The following MACROD2 variants were observed in gnomAD, a reference collection of about 807,000 sequenced individuals.
MACROD2 encodes mono-ADP ribosylhydrolase 2.
MACROD2 carries 36 observed loss-of-function variants against 70.4 expected under a neutral mutation model. The observed-to-expected ratio is 0.51, with a 90% CI of 0.39 to 0.68. The LOEUF (loss-of-function observed/expected upper bound fraction) is 0.68. Among genes scored for constraint, MACROD2 ranks in the 30% least tolerant of loss-of-function variants. The pLI is 0.00. For synonymous variants in MACROD2, 172 were observed against 178.8 expected, an observed-to-expected ratio of 0.96 and a Z score of 0.30; for missense variants, 496 against 538.4, an observed-to-expected ratio of 0.92 and a Z score of 0.78.
chr20:15,280,772 T>G (rs1260102994), intron 6 of MACROD2: 1 of 152,182 alleles, frequency 6.6e-6, no homozygotes, highest in Non-Finnish European at 1.5e-5. Context: ...CCATTCAGAT[T>G]TTTCCTAAAT....
rs183825012 is a variant in MACROD2, at chr20:14,295,566, G to C, written c.272-197913G>C. Among the ~76,000 whole-genome samples the C allele has an allele frequency of 3.2e-3, 486 of 150,406 alleles. 11 individuals are homozygous for C. Among genetic ancestry groups the C allele is most frequent in the African/African-American group, 0.011 (465 of 41,148 alleles). On this transcript the variant is annotated intron_variant, in intron 3 of 17. Coordinates refer to ENST00000684519, the MANE Select transcript of MACROD2 (RefSeq NM_001351661.2). ...GAATATCATTAGGAGGGGACTGTGT[G>C]GGGGGGCTGGGGGGAGTGGTAATAC...
At chr20:14,072,953 A>G (rs1296391819) in intron 2 of MACROD2, among the ~76,000 whole-genome samples, 2 of 151,528 alleles carry the variant, frequency 1.3e-5, no homozygotes, top group Non-Finnish European at 2.9e-5. Context: ...AAAAAAGCAT[A>G]TAGATCATGG....
intron 2 of MACROD2, among the ~76,000 whole-genome samples, chr20:14,066,816 T>TG (rs1169689390): frequency 6.1e-5 from 9 of 146,910 alleles, no homozygotes; most frequent in African/African-American, 2.0e-4. Flanking sequence ...TTTTTTTTTT[T>TG]TTTTTTTTTT....
chr20:14,270,155 G>C (rs567196114), intron 3 of MACROD2, among the ~76,000 whole-genome samples: 1 of 152,132 alleles, frequency 6.6e-6, no homozygotes, highest in East Asian at 1.9e-4. Context: ...TTAATGGTGT[G>C]TATATATATT....
chr20:14,060,086 A>G (rs1208282427), intron 2 of MACROD2, among the ~76,000 whole-genome samples: 1 of 152,204 alleles, frequency 6.6e-6, no homozygotes, highest in Non-Finnish European at 1.5e-5. Flanking sequence ...ATAGGTTATG[A>G]CTACAGATTC....
chr20:15,893,989 G>T (rs1283227547), intron 10 of MACROD2: 1 of 450,826 alleles, frequency 2.2e-6, no homozygotes, highest in Non-Finnish European at 4.5e-6. Flanking sequence ...GGAATAGCTG[G>T]GCTCTAGGGT....
chr20:15,909,866 G>A (rs2065209918), intron 10 of MACROD2, among the ~76,000 whole-genome samples: 1 of 152,094 alleles, frequency 6.6e-6, no homozygotes, highest in African/African-American at 2.4e-5. Flanking sequence ...TTGGGGTTCA[G>A]AAGAAAATAC....
intron 4 of MACROD2, among the ~76,000 whole-genome samples, chr20:14,594,210 G>A (rs1282700271): frequency 6.6e-6 from 1 of 152,110 alleles, no homozygotes; most frequent in Non-Finnish European, 1.5e-5. Flanking sequence ...CACCTCTGCA[G>A]TTTGTTTTCT....
rs555220074 is a variant in MACROD2, at chr20:16,022,723, A to G, written c.1154-18478A>G. Among the ~76,000 whole-genome samples the G allele has an allele frequency of 1.2e-3, 183 of 152,368 alleles. 3 individuals are homozygous for G. The highest frequency in any genetic ancestry group is 1.5e-3 in the Non-Finnish European group (103 of 68,040). ...TGTCTAATCAGCCTCCATGTCAGACATGAGAAACCTTGAAACACACGTAGC... is the reference window on the plus strand; with the variant it reads ...TGTCTAATCAGCCTCCATGTCAGACGTGAGAAACCTTGAAACACACGTAGC... On this transcript the variant is annotated intron_variant, in intron 15 of 17. Transcript: ENST00000684519.
chr20:14,621,783 G>T (rs530837266), intron 4 of MACROD2: 96 of 152,206 alleles, frequency 6.3e-4, no homozygotes, highest in African/African-American at 2.1e-3. Context: ...GTTGGGAAGT[G>T]TGTTTCTAGG....
chr20:14,082,648 A>C, intron 2 of MACROD2, among the ~76,000 whole-genome samples: 1 of 152,138 alleles, frequency 6.6e-6, no homozygotes, highest in Non-Finnish European at 1.5e-5. Context: ...AAAAGCAGTT[A>C]AAGAATGATT....
At chr20:14,924,959 C>T (rs2074211538) in intron 5 of MACROD2, among the ~76,000 whole-genome samples, 1 of 151,990 alleles carries the variant, frequency 6.6e-6, no homozygotes, top group African/African-American at 2.4e-5. Flanking sequence ...TCCTTAGGTT[C>T]TGATATTTAA....
At chr20:15,713,761 C>G (rs2050663036) in intron 8 of MACROD2, among the ~76,000 whole-genome samples, 1 of 152,076 alleles carries the variant, frequency 6.6e-6, no homozygotes, top group South Asian at 2.1e-4. Flanking sequence ...AGGGTCTGGT[C>G]TGGTCAGGGG....
At chr20:15,087,963 T>C (rs1419984126) in intron 5 of MACROD2, among the ~76,000 whole-genome samples, 1 of 151,952 alleles carries the variant, frequency 6.6e-6, no homozygotes, top group Non-Finnish European at 1.5e-5. Flanking sequence ...ATAATGAAAT[T>C]GTGTTCTTCA....
chr20:14,231,724 C>T (rs2081814753), intron 3 of MACROD2, among the ~76,000 whole-genome samples: 1 of 152,204 alleles, frequency 6.6e-6, no homozygotes, highest in Admixed American at 6.5e-5. Context: ...CACTGACTTC[C>T]ACAATGGTTG....
chr20:14,297,995 T>C (rs1394503725), intron 3 of MACROD2, among the ~76,000 whole-genome samples: 1 of 151,936 alleles, frequency 6.6e-6, no homozygotes, highest in Non-Finnish European at 1.5e-5. Context: ...ATGCTTACTC[T>C]ACCCTTCCTG....
intron 3 of MACROD2, among the ~76,000 whole-genome samples, chr20:14,395,983 G>A (rs1353971370): frequency 6.6e-6 from 1 of 152,164 alleles, no homozygotes; most frequent in Non-Finnish European, 1.5e-5. Flanking sequence ...TACAACTCCT[G>A]GACTCAAGTG....
intron 5 of MACROD2, among the ~76,000 whole-genome samples, chr20:14,899,519 A>G (rs565787983): frequency 6.6e-6 from 1 of 152,148 alleles, no homozygotes; most frequent in Non-Finnish European, 1.5e-5. Flanking sequence ...CACTGCTTTC[A>G]TCCTCACATG....
chr20:15,130,399 A>G (rs78343109), intron 5 of MACROD2, among the ~76,000 whole-genome samples: 10,130 of 151,900 alleles, frequency 0.067, 375 homozygotes, highest in Middle Eastern at 0.16. Context: ...ATGTGCATCT[A>G]GTTGCTCTCT....
Sources: allele counts gnomAD v4.1 joint callset (sites outside exome capture counted in the v4.1 genomes callset), GRCh38; gene constraint gnomAD v4.1.1; transcripts MANE v1.5; gene names NCBI Gene and HGNC (gene_info 2026-07-23, HGNC 2026-07-21).